Variants in ZBTB16 observed in about 807,000 individuals in gnomAD.
ZBTB16 encodes the protein zinc finger and BTB domain containing 16.
ZBTB16 carries 8 observed loss-of-function variants against 56.8 expected under a neutral mutation model. The observed-to-expected ratio is 0.14, with a 90% CI of 0.08 to 0.25. ZBTB16 has a LOEUF of 0.25. ZBTB16 is among the 10% of genes least tolerant of loss of function. The probability of loss-of-function intolerance (pLI) is 1.00; values close to 1 mark genes in which losing one functional copy is unlikely to be tolerated. For missense variants in ZBTB16, 625 were observed against 903.0 expected (o/e 0.69, Z 3.95); for synonymous variants, 363 against 368.5 (o/e 0.98, Z 0.17).
intron 3 of ZBTB16, among the ~76,000 whole-genome samples, chr11:114,176,723 A>C (rs752012935): frequency 6.6e-6 from 1 of 152,148 alleles, no homozygotes; most frequent in Non-Finnish European, 1.5e-5. Context: ...TCCCAGTTTA[A>C]AACTTGTCAT....
chr11:114,116,338 T>G (rs1346818863), intron 2 of ZBTB16, among the ~76,000 whole-genome samples: 2 of 152,196 alleles, frequency 1.3e-5, no homozygotes, highest in African/African-American at 4.8e-5. Flanking sequence ...CAGGTGTGTG[T>G]GTCTGAAATG....
At chr11:114,161,613 G>A (rs57165812) in intron 3 of ZBTB16, among the ~76,000 whole-genome samples, 29 of 152,308 alleles carry the variant, frequency 1.9e-4, no homozygotes, top group African/African-American at 6.7e-4. Flanking sequence ...GCCACCTATG[G>A]AAGTGGGTGG....
At chr11:114,135,013 G>A (rs907193795) in intron 2 of ZBTB16, among the ~76,000 whole-genome samples, 2 of 152,212 alleles carry the variant, frequency 1.3e-5, no homozygotes, top group Non-Finnish European at 2.9e-5. Flanking sequence ...AGATCCCATG[G>A]AAGATGCAAG....
At chr11:114,184,227 C>T (rs1027949733) in intron 3 of ZBTB16, among the ~76,000 whole-genome samples, 1 of 152,220 alleles carries the variant, frequency 6.6e-6, no homozygotes, top group African/African-American at 2.4e-5. Context: ...TCGATACCCC[C>T]AGAGGACCCC....
At chr11:114,167,233 T>TTG (rs1942790774) in intron 3 of ZBTB16, among the ~76,000 whole-genome samples, 1 of 52,640 alleles carries the variant, frequency 1.9e-5, no homozygotes, top group Admixed American at 1.8e-4. Flanking sequence ...TTTTTTTTGG[T>TTG]TTTTTTTTTT....
At chr11:114,148,603 C>T (rs890985299) in intron 2 of ZBTB16, among the ~76,000 whole-genome samples, 5 of 151,358 alleles carry the variant, frequency 3.3e-5, no homozygotes, top group African/African-American at 1.2e-4. Flanking sequence ...AAGCGATTCT[C>T]CTGCCTCAGC....
At chr11:114,067,212 G>A (rs1939151572) in intron 2 of ZBTB16, among the ~76,000 whole-genome samples, 1 of 152,138 alleles carries the variant, frequency 6.6e-6, no homozygotes, top group Non-Finnish European at 1.5e-5. Context: ...TGTTGTTTAG[G>A]CCTCATCTCT....
chr11:114,081,931 G>A (rs1939777666), intron 2 of ZBTB16, among the ~76,000 whole-genome samples: 1 of 151,950 alleles, frequency 6.6e-6, no homozygotes, highest in South Asian at 2.1e-4. Flanking sequence ...AAGTTGAGCA[G>A]ACCCGGGTTC....
chr11:114,069,853 G>A lies in ZBTB16; in HGVS notation c.1268+5285G>A, dbSNP rs546108446. Among the ~76,000 whole-genome samples the A allele has an allele frequency of 2.0e-5, 3 of 152,250 alleles. No homozygotes were observed. The East Asian group carries it at 5.8e-4, about 29-fold the overall frequency. The stretch of plus-strand genomic sequence containing the variant: ...CTTGCCCTCACAGCCTTCCTTGAGT[G>A]GGTACAGGTCCATAATCCCATATCT... On this transcript the variant is annotated intron_variant, in intron 2 of 6. Transcript: ENST00000335953.
intron 4 of ZBTB16, among the ~76,000 whole-genome samples, chr11:114,216,800 G>A (rs1382704425): frequency 6.6e-6 from 1 of 152,168 alleles, no homozygotes; most frequent in African/African-American, 2.4e-5. Flanking sequence ...AACATTTATT[G>A]CATATCTACT....
At chr11:114,186,872 C>A in intron 3 of ZBTB16, 80 bp from the exon 4 acceptor site, 2 of 1,383,818 alleles carry the variant, frequency 1.4e-6, no homozygotes, top group Non-Finnish European at 2.1e-6. Context: ...CTAGTGTCTA[C>A]CTGCACAGTT....
chr11:114,107,804 G>A (rs1940851546), intron 2 of ZBTB16, among the ~76,000 whole-genome samples: 2 of 152,128 alleles, frequency 1.3e-5, no homozygotes, highest in South Asian at 4.1e-4. Flanking sequence ...GAAGAGTGGA[G>A]CTTGGATTGG....
rs1944912701 is a variant in ZBTB16, at chr11:114,251,240, C to T, written c.*685C>T. 2.0e-5 allele frequency among the ~76,000 whole-genome samples: 3 copies of T among 152,144 alleles called. No individual in the cohort carries two copies. Among genetic ancestry groups the T allele is most frequent in the South Asian group, 2.1e-4 (1 of 4,828 alleles). ...CCCTTGACTCCTGTCCTCCAAGTCC[C>T]AGGGGAGTCCCAGCCCCTCAGGGAC... is the stretch of plus-strand genomic sequence containing the variant. On this transcript the variant is annotated 3_prime_UTR_variant, in exon 7 of 7. Transcript: ENST00000335953.
intron 4 of ZBTB16, among the ~76,000 whole-genome samples, chr11:114,235,431 C>T (rs1032516411): frequency 1.3e-5 from 2 of 152,246 alleles, no homozygotes; most frequent in African/African-American, 4.8e-5. Context: ...CTCTGATCCT[C>T]TTCCTTCCCA....
At chr11:114,102,078 A>G (rs970198172) in intron 2 of ZBTB16, among the ~76,000 whole-genome samples, 20 of 152,162 alleles carry the variant, frequency 1.3e-4, no homozygotes, top group Admixed American at 1.3e-4. Flanking sequence ...TGAGCATGCC[A>G]GGGATGGCAG....
chr11:114,207,700 G>A (rs1020293164), intron 4 of ZBTB16, among the ~76,000 whole-genome samples: 3 of 152,024 alleles, frequency 2.0e-5, no homozygotes, highest in African/African-American at 2.4e-5. Context: ...TGCAACCTCC[G>A]CCTCCTGGGT....
intron 2 of ZBTB16, among the ~76,000 whole-genome samples, chr11:114,133,574 C>T (rs545128073): frequency 3.3e-5 from 5 of 152,182 alleles, no homozygotes; most frequent in East Asian, 1.9e-4. Flanking sequence ...GAGCAGTCAT[C>T]GGGCTGGTAA....
At chr11:114,206,169 C>T (rs1237216863) in intron 4 of ZBTB16, among the ~76,000 whole-genome samples, 4 of 152,174 alleles carry the variant, frequency 2.6e-5, no homozygotes, top group Admixed American at 1.3e-4. Context: ...CTGGAATTGC[C>T]ATTTACATAT....
In ZBTB16 at chr11:114,230,376, A is replaced by G. The variant is rs372069060; in HGVS notation, c.1454-11791A>G. 3.9e-5 allele frequency among the ~76,000 whole-genome samples: 6 copies of G among 152,182 alleles called. No individual in the cohort carries two copies. In the East Asian group the frequency reaches 5.8e-4, roughly 15 times the overall value. ...TGCCCTGCCCTCATTCTTGGTATCT[A>G]TGTATGCTCTGGGAGCTTTTTTATA... is the stretch of plus-strand genomic sequence containing the variant. On this transcript the variant is annotated intron_variant, in intron 4 of 6. Coordinates refer to ENST00000335953, the MANE Select transcript of ZBTB16 (RefSeq NM_006006.6).
Sources: allele counts gnomAD v4.1 joint callset (sites outside exome capture counted in the v4.1 genomes callset), GRCh38; gene constraint gnomAD v4.1.1; transcripts MANE v1.5; gene names NCBI Gene and HGNC (gene_info 2026-07-23, HGNC 2026-07-21).